The following GUCY2C variants were observed in gnomAD, a reference collection of about 807,000 sequenced individuals.
The protein encoded by GUCY2C is guanylate cyclase 2C.
Under a neutral mutation model 131.1 loss-of-function variants are expected in GUCY2C, and 118 were observed. The ratio of observed to expected loss-of-function variants is 0.90; its 90% CI spans 0.78 to 1.05. The LOEUF (loss-of-function observed/expected upper bound fraction) is 1.05. Among genes scored for constraint, GUCY2C ranks in the 50% least tolerant of loss-of-function variants. The pLI, the probability that GUCY2C is intolerant of heterozygous loss-of-function variation, is 0.00. For missense variants in GUCY2C, 1,161 were observed against 1,304.4 expected (o/e 0.89, Z 1.69); for synonymous variants, 452 against 457.8 (o/e 0.99, Z 0.16).
At chr12:14,679,435 C>A (rs1001054334) in intron 6 of GUCY2C, among the ~76,000 whole-genome samples, 3 of 152,126 alleles carry the variant, frequency 2.0e-5, no homozygotes, top group African/African-American at 7.2e-5. Context: ...CTATAATAAA[C>A]CTTTTATATT....
At chr12:14,647,937 C>A (rs1947557249) in intron 15 of GUCY2C, among the ~76,000 whole-genome samples, 1 of 119,772 alleles carries the variant, frequency 8.3e-6, no homozygotes, top group South Asian at 3.0e-4. Flanking sequence ...ACAATCATAT[C>A]ATCTTTTTAC....
At position 14,669,798 on chromosome 12, in the gene GUCY2C, A is replaced by C; in HGVS notation, c.1206T>G (p.Asn402Lys). ...KVLLTYDTHV[N>K]KTYPVDMSPT... ...GGCTCATATCCACAGGATAGGTCTT[A>C]TTTACGTGGGTATCATAGGTCAAAA... is the stretch of plus-strand genomic sequence containing the variant. Residue 402 changes from asparagine (N) to lysine (K), a missense_variant, in exon 10 of 27, where the codon AAT becomes AAG. Physicochemically the swap from Asn to Lys is moderately conservative, Grantham distance 94. Coordinates refer to ENST00000261170, the MANE Select transcript of GUCY2C (RefSeq NM_004963.4). 10 of 1,599,114 alleles carry C rather than the reference A, an allele frequency of 6.3e-6. No individual in the cohort carries two copies. The highest frequency in any genetic ancestry group is 8.6e-6 in the Non-Finnish European group (10 of 1,168,828).
intron 7 of GUCY2C, among the ~76,000 whole-genome samples, chr12:14,676,440 A>G (rs1229856580): frequency 6.6e-6 from 1 of 152,236 alleles, no homozygotes; most frequent in Admixed American, 6.5e-5. Context: ...GGATTTTAAT[A>G]TCAGTGACAG....
In GUCY2C at chr12:14,652,041, C is replaced by G. The variant is rs1324866796; in HGVS notation, c.1534-11G>C. On this transcript the variant is annotated splice_polypyrimidine_tract_variant and intron_variant, in intron 13 of 26. Coordinates refer to ENST00000261170, the MANE Select transcript of GUCY2C (RefSeq NM_004963.4). ...TTTGAGAATCACTCGCTGCAAAAAT[C>G]AATGAAATTTAGGAGACAGTGTTGT... is the stretch of plus-strand genomic sequence containing the variant. 1 of 1,555,878 alleles carries G rather than the reference C, an allele frequency of 6.4e-7. No homozygotes were observed. Among genetic ancestry groups the G allele is most frequent in the Admixed American group, 1.7e-5 (1 of 59,494 alleles).
chr12:14,621,060 G>T lies in GUCY2C; in HGVS notation c.2758C>A (p.Arg920Ser). The change falls in exon 23 of 27, where the codon CGC becomes AGC. Residue 920 changes from arginine (R) to serine (S), a missense_variant. Arg to Ser is a moderately radical substitution (Grantham distance 110). Coordinates refer to ENST00000261170, the MANE Select transcript of GUCY2C (RefSeq NM_004963.4). ...EHLPGLPIWI[R>S]IGVHSGPCAA... The stretch of plus-strand genomic sequence containing the variant: ...TCCATACCAGAGTGAACTCCAATGC[G>T]AATCCATATTGGGAGGCCAGGAAGA... 3 of 1,613,770 alleles carry T rather than the reference G, an allele frequency of 1.9e-6. No individual in the cohort carries two copies. Among genetic ancestry groups the T allele is most frequent in the Non-Finnish European group, 2.5e-6 (3 of 1,179,868 alleles).
At chr12:14,669,007 T>A (rs1948043145) in intron 10 of GUCY2C, among the ~76,000 whole-genome samples, 3 of 152,162 alleles carry the variant, frequency 2.0e-5, no homozygotes, top group Non-Finnish European at 4.4e-5. Context: ...TGTCAAGTAT[T>A]TCTTGCTGAA....
rs1016575357 is a variant in GUCY2C, at chr12:14,654,873, T to C, written c.1470+1639A>G. 3.3e-5 allele frequency among the ~76,000 whole-genome samples: 5 copies of C among 152,186 alleles called. No homozygotes were observed. The South Asian group carries it at 8.3e-4, about 25-fold the overall frequency. On this transcript the variant is annotated intron_variant, in intron 12 of 26. Transcript: ENST00000261170. ...GTTATATTAAATAAGCAGGAGACCA[T>C]TGGCATGAGGCTGTCTTTGTATTAT...
chr12:14,676,765 T>G, intron 7 of GUCY2C, 89 bp downstream of exon 7: 1 of 344,136 alleles, frequency 2.9e-6, no homozygotes, highest in Non-Finnish European at 5.2e-6. Flanking sequence ...ATTTTAGAAT[T>G]TGGGTCCTAA....
At chr12:14,646,754 A>G (rs1947531291) in intron 15 of GUCY2C, among the ~76,000 whole-genome samples, 2 of 152,196 alleles carry the variant, frequency 1.3e-5, no homozygotes, top group African/African-American at 4.8e-5. Flanking sequence ...AGCAATTTTA[A>G]TAGGTGACCT....
At chr12:14,629,359 G>A (rs975956119) in intron 19 of GUCY2C, among the ~76,000 whole-genome samples, 1 of 152,114 alleles carries the variant, frequency 6.6e-6, no homozygotes, top group African/African-American at 2.4e-5. Flanking sequence ...GACAAGATAA[G>A]GGTAATCACT....
chr12:14,624,971 A>C (rs1033717437), intron 21 of GUCY2C, among the ~76,000 whole-genome samples: 2 of 152,194 alleles, frequency 1.3e-5, no homozygotes, highest in African/African-American at 4.8e-5. Flanking sequence ...TATGTACCTA[A>C]TATTTATGGA....
chr12:14,651,267 G>A (rs909159820), intron 15 of GUCY2C, 140 bp downstream of exon 15: 9 of 497,088 alleles, frequency 1.8e-5, no homozygotes, highest in African/African-American at 3.9e-5. Flanking sequence ...AAAAAATCTC[G>A]GGGATCTAGT....
chr12:14,661,780 G>A lies in GUCY2C; in HGVS notation c.1283-718C>T, dbSNP rs1947872633. Among the ~76,000 whole-genome samples the A allele has an allele frequency of 3.3e-5, 5 of 152,290 alleles. No individual in the cohort carries two copies. In the South Asian group the frequency reaches 8.3e-4, roughly 25 times the overall value. ...AGAGCACATGCCGGAAGAAAAGTAA[G>A]TCAGTATAGAATATTAAGTGACAGT... On this transcript the variant is annotated intron_variant, in intron 10 of 26. Transcript: ENST00000261170.
rs190048207 is a variant in GUCY2C, at chr12:14,631,432, C to T, written c.2158-2695G>A. Among the ~76,000 whole-genome samples, 993 of 148,564 alleles carry T rather than the reference C, an allele frequency of 6.7e-3. 18 individuals are homozygous for T. The highest frequency in any genetic ancestry group is 0.023 in the African/African-American group (938 of 40,128). The stretch of plus-strand genomic sequence containing the variant: ...GAGTGTGATGTTCCCCTTCCTGTGT[C>T]CATGTGTTCTCATTGTTCAATTCCA... On this transcript the variant is annotated intron_variant, in intron 19 of 26. Coordinates refer to ENST00000261170, the MANE Select transcript of GUCY2C (RefSeq NM_004963.4).
chr12:14,626,822 T>C (rs1241327679), intron 20 of GUCY2C, among the ~76,000 whole-genome samples: 10 of 152,320 alleles, frequency 6.6e-5, no homozygotes, highest in African/African-American at 1.9e-4. Flanking sequence ...GGTCACCTAT[T>C]GGGAAACAGG....
intron 21 of GUCY2C, among the ~76,000 whole-genome samples, chr12:14,623,323 AAAC>A (rs1328837317): frequency 6.6e-6 from 1 of 152,196 alleles, no homozygotes; most frequent in African/African-American, 2.4e-5. Flanking sequence ...CCCGGAAAGA[AAAC>A]AACCAATCAA....
Position 14,621,102 on chromosome 12 carries a change from T to G in GUCY2C, c.2716A>C (p.Thr906Pro). ...CCAGGAAGATGCTCCAGCTCAAAGG[T>G]CCCCATGAAGCTGAGGATTTCCAAG... ...MALEILSFMG[T>P]FELEHLPGLP... is the part of the protein sequence containing the mutation. The change falls in exon 23 of 27, where the codon ACC (threonine) becomes CCC (proline). Residue 906 changes from threonine to proline, a missense_variant. By Grantham distance (38) the Thr-to-Pro change is conservative. Transcript: ENST00000261170. 2 of 1,613,836 alleles carry G rather than the reference T, an allele frequency of 1.2e-6. No individual in the cohort carries two copies. The highest frequency in any genetic ancestry group is 8.5e-7 in the Non-Finnish European group (1 of 1,179,842).
chr12:14,677,468 C>T (rs1948258825), intron 6 of GUCY2C, among the ~76,000 whole-genome samples: 1 of 152,172 alleles, frequency 6.6e-6, no homozygotes, highest in Non-Finnish European at 1.5e-5. Context: ...TTCTTGTATC[C>T]TCAACTCCTA....
chr12:14,687,691 T>C (rs1948498574), intron 2 of GUCY2C, among the ~76,000 whole-genome samples: 1 of 152,136 alleles, frequency 6.6e-6, no homozygotes, highest in South Asian at 2.1e-4. Flanking sequence ...AGCAAAAGAA[T>C]TCCTCTCCTT....
Sources: gnomAD v4.1 joint callset for allele counts (sites outside exome capture counted in the v4.1 genomes callset) on GRCh38, gnomAD v4.1.1 for gene constraint, MANE v1.5 for transcripts, NCBI Gene and HGNC (gene_info 2026-07-23, HGNC 2026-07-21) for gene names.